Variants in CREB5 observed in about 807,000 individuals in gnomAD.
CREB5 encodes the protein cAMP responsive element binding protein 5.
A neutral mutation model predicts 57.1 loss-of-function variants in CREB5; 19 were observed. The ratio of observed to expected loss-of-function variants is 0.33; its 90% CI spans 0.23 to 0.49. CREB5 has a LOEUF of 0.49. Ranked by LOEUF, CREB5 falls within the 20% of genes least tolerant of loss-of-function variation. CREB5 has a pLI of 0.99. For synonymous variants in CREB5, 238 were observed against 238.3 expected (o/e 1.00, Z 0.01); for missense variants, 579 against 671.6 (o/e 0.86, Z 1.52).
chr7:28,420,764 C>T (rs1002434704), intron 1 of CREB5, among the ~76,000 whole-genome samples: 13 of 139,482 alleles, frequency 9.3e-5, no homozygotes, highest in African/African-American at 2.9e-4. Context: ...GCTGAGATCG[C>T]ACCATTGCAC....
chr7:28,651,617 C>T (rs1799131543), intron 5 of CREB5, among the ~76,000 whole-genome samples: 1 of 152,166 alleles, frequency 6.6e-6, no homozygotes, highest in African/African-American at 2.4e-5. Context: ...CTTTCTATTT[C>T]TGTTTCAACT....
intron 1 of CREB5, among the ~76,000 whole-genome samples, chr7:28,450,774 T>C (rs921243156): frequency 2.6e-5 from 4 of 152,246 alleles, no homozygotes; most frequent in Non-Finnish European, 5.9e-5. Flanking sequence ...GATTATAACA[T>C]ATATTCTCTG....
chr7:28,432,988 G>A (rs955723352), intron 1 of CREB5, among the ~76,000 whole-genome samples: 2 of 151,992 alleles, frequency 1.3e-5, no homozygotes, highest in African/African-American at 4.8e-5. Flanking sequence ...ATTTCCCCAA[G>A]GTCATGATTT....
intron 5 of CREB5, among the ~76,000 whole-genome samples, chr7:28,676,277 G>A (rs899099592): frequency 1.4e-4 from 21 of 151,944 alleles, no homozygotes; most frequent in African/African-American, 4.6e-4. Flanking sequence ...CCAGACATTC[G>A]GCACCTATCA....
At chr7:28,660,728 C>G (rs1007409711) in intron 5 of CREB5, among the ~76,000 whole-genome samples, 4 of 152,022 alleles carry the variant, frequency 2.6e-5, no homozygotes, top group African/African-American at 9.7e-5. Context: ...TCCTCCCTTT[C>G]TTCTTCTTCC....
At chr7:28,476,899 T>C (rs1160394843) in intron 1 of CREB5, among the ~76,000 whole-genome samples, 1 of 152,158 alleles carries the variant, frequency 6.6e-6, no homozygotes, top group African/African-American at 2.4e-5. Context: ...AGCACTTTAC[T>C]AAAAGTACTT....
chr7:28,429,804 G>A (rs940665126), intron 1 of CREB5, among the ~76,000 whole-genome samples: 6 of 152,184 alleles, frequency 3.9e-5, no homozygotes, highest in Non-Finnish European at 8.8e-5. Flanking sequence ...CCTTTGACAA[G>A]GCCTATTACT....
chr7:28,487,057 C>A (rs1200283595), intron 1 of CREB5, among the ~76,000 whole-genome samples: 1 of 152,154 alleles, frequency 6.6e-6, no homozygotes, highest in Non-Finnish European at 1.5e-5. Context: ...TGCTCTGTCA[C>A]CCAGGCTGGA....
At chr7:28,478,458 T>C (rs981309055) in intron 1 of CREB5, among the ~76,000 whole-genome samples, 2 of 152,162 alleles carry the variant, frequency 1.3e-5, no homozygotes, top group African/African-American at 4.8e-5. Context: ...TTAAGCTTTC[T>C]TACTGAGAAG....
intron 1 of CREB5, among the ~76,000 whole-genome samples, chr7:28,417,278 C>G (rs1404686346): frequency 6.6e-6 from 1 of 151,666 alleles, no homozygotes; most frequent in African/African-American, 2.4e-5. Flanking sequence ...CCTGATATAT[C>G]CAAAATATTA....
At chr7:28,784,130 G>A (rs1374994542) in intron 7 of CREB5, among the ~76,000 whole-genome samples, 1 of 152,184 alleles carries the variant, frequency 6.6e-6, no homozygotes, top group East Asian at 1.9e-4. Context: ...GTATTTCATT[G>A]CAATTGATGG....
intron 1 of CREB5, among the ~76,000 whole-genome samples, chr7:28,383,105 A>C (rs745953358): frequency 1.3e-5 from 2 of 152,170 alleles, no homozygotes; most frequent in Non-Finnish European, 2.9e-5. Flanking sequence ...ATTCTACAGA[A>C]TGAAGCCAAG....
intron 5 of CREB5, among the ~76,000 whole-genome samples, chr7:28,680,819 T>C (rs1800552330): frequency 6.6e-6 from 1 of 151,656 alleles, no homozygotes; most frequent in Non-Finnish European, 1.5e-5. Flanking sequence ...ATTATTTGAG[T>C]TCTTCCTGTA....
At chr7:28,710,066 TA>T (rs1328972338) in intron 5 of CREB5, among the ~76,000 whole-genome samples, 1 of 152,206 alleles carries the variant, frequency 6.6e-6, no homozygotes, top group Non-Finnish European at 1.5e-5. Context: ...GCCTAAAATA[TA>T]ATTTCAAGTG....
intron 7 of CREB5, among the ~76,000 whole-genome samples, chr7:28,773,138 C>G (rs961303714): frequency 6.6e-6 from 1 of 152,004 alleles, no homozygotes; most frequent in Admixed American, 6.6e-5. Context: ...AAAATTAATA[C>G]TTTCTTAAAT....
chr7:28,635,448 C>A (rs1202587965), intron 5 of CREB5, among the ~76,000 whole-genome samples: 1 of 152,136 alleles, frequency 6.6e-6, no homozygotes, highest in African/African-American at 2.4e-5. Flanking sequence ...CTTACTATGC[C>A]AGGCAAGATT....
At chr7:28,704,570 C>T (rs1802014740) in intron 5 of CREB5, among the ~76,000 whole-genome samples, 1 of 152,012 alleles carries the variant, frequency 6.6e-6, no homozygotes, top group African/African-American at 2.4e-5. Flanking sequence ...GTGATCCTCC[C>T]ACCTTAGCCT....
At chr7:28,342,821 T>C (rs189885756) in intron 1 of CREB5, among the ~76,000 whole-genome samples, 69 of 152,384 alleles carry the variant, frequency 4.5e-4, no homozygotes, top group Admixed American at 1.7e-3. Flanking sequence ...TGTGATGTTT[T>C]GATAATGTAT....
chr7:28,439,852 G>C (rs1212350202), intron 1 of CREB5, among the ~76,000 whole-genome samples: 1 of 152,242 alleles, frequency 6.6e-6, no homozygotes, highest in Non-Finnish European at 1.5e-5. Flanking sequence ...GTGCCTGTGT[G>C]ACCTGTAATT....
Sources: allele counts gnomAD v4.1 joint callset (sites outside exome capture counted in the v4.1 genomes callset), GRCh38; gene constraint gnomAD v4.1.1; transcripts MANE v1.5; gene names NCBI Gene and HGNC (gene_info 2026-07-23, HGNC 2026-07-21).